The following MMD2 variants were observed in gnomAD, a reference collection of about 807,000 sequenced individuals.
MMD2 encodes the protein monocyte to macrophage differentiation associated 2.
In MMD2, 30 loss-of-function variants were observed where a neutral mutation model predicts 33.5. The ratio of observed to expected loss-of-function variants is 0.90; its 90% CI spans 0.67 to 1.22. MMD2 has a LOEUF of 1.22. MMD2 is among the 50% of genes most tolerant of loss of function. MMD2 has a pLI of 0.00. For missense variants in MMD2, 364 were observed against 325.4 expected (o/e 1.12, Z -0.91); for synonymous variants, 129 against 123.0 (o/e 1.05, Z -0.32).
intron 1 of MMD2, among the ~76,000 whole-genome samples, chr7:4,942,777 G>A (rs6978348): frequency 0.041 from 6,223 of 150,696 alleles, 206 homozygotes; most frequent in East Asian, 0.11. Context: ...CACCTCACCC[G>A]GCTTTTTTGT....
Position 4,918,483 on chromosome 7 carries a change from CT to C in MMD2, c.290+1687del, listed in dbSNP as rs60393757. Among the ~76,000 whole-genome samples the C allele has an allele frequency of 3.6e-3, 470 of 131,014 alleles. 1 individual carries two copies. Among genetic ancestry groups the C allele is most frequent in the Middle Eastern group, 7.7e-3 (2 of 260 alleles). The allele number at this position is 131,014 out of a possible 152,430, so 86.0% of individuals were successfully genotyped here. On this transcript the variant is annotated intron_variant, in intron 3 of 6. Transcript: ENST00000401401. The stretch of plus-strand genomic sequence containing the variant: ...TCTTTTCTTTTTCTTTTCTTTCTTT[CT>C]TTTTTTTTTTTTTTTTTGAGACAGA...
intron 1 of MMD2, among the ~76,000 whole-genome samples, chr7:4,933,745 G>C (rs573578811): frequency 6.6e-6 from 1 of 151,658 alleles, no homozygotes; most frequent in South Asian, 2.1e-4. Context: ...CATTCCTCCT[G>C]CCTCAGCCTC....
intron 1 of MMD2, among the ~76,000 whole-genome samples, chr7:4,926,115 T>C (rs934820938): frequency 2.7e-5 from 4 of 147,910 alleles, no homozygotes; most frequent in Non-Finnish European, 4.5e-5. Flanking sequence ...TTTTTTTTTC[T>C]TACACGGGGT....
At chr7:4,896,001 C>G in the MMD2 span, among the ~76,000 whole-genome samples, 2 of 152,106 alleles carry the variant, frequency 1.3e-5, no homozygotes, top group East Asian at 3.9e-4. Context: ...CTGACGAAGC[C>G]TAGTGCTTCC....
intron 4 of MMD2, among the ~76,000 whole-genome samples, chr7:4,912,040 T>C (rs955591412): frequency 3.3e-5 from 5 of 151,816 alleles, no homozygotes; most frequent in Non-Finnish European, 5.9e-5. Context: ...AGGTGGAAGC[T>C]GCAGTGAGCC....
chr7:4,920,999 G>C lies in MMD2; in HGVS notation c.130-668C>G, dbSNP rs552548609. 9.8e-5 allele frequency among the ~76,000 whole-genome samples: 15 copies of C among 152,286 alleles called. No homozygotes were observed. In the East Asian group the frequency reaches 2.3e-3, roughly 24 times the overall value. On this transcript the variant is annotated intron_variant, in intron 2 of 6. Transcript: ENST00000401401. ...TCCAAAGGATTGGGATTATAGGCGTGAGCCACCATGCCCAGCCTCAGGTGT... is the reference window on the plus strand; with the variant it reads ...TCCAAAGGATTGGGATTATAGGCGTCAGCCACCATGCCCAGCCTCAGGTGT...
At chr7:4,931,459 C>A (rs778350529) in intron 1 of MMD2, among the ~76,000 whole-genome samples, 1 of 150,482 alleles carries the variant, frequency 6.6e-6, no homozygotes, top group African/African-American at 2.4e-5. Context: ...GGCCTCTTTA[C>A]CTTTTTCTTT....
chr7:4,952,012 A>G (rs989290318), intron 1 of MMD2, among the ~76,000 whole-genome samples: 3 of 152,210 alleles, frequency 2.0e-5, no homozygotes, highest in Non-Finnish European at 4.4e-5. Flanking sequence ...CTGGGACTAC[A>G]GGCTTGAGCC....
intron 2 of MMD2, among the ~76,000 whole-genome samples, chr7:4,922,341 A>G (rs6944032): frequency 0.59 from 90,173 of 151,686 alleles, 26,901 homozygotes; most frequent in East Asian, 0.67. Flanking sequence ...AGGCTGAAGC[A>G]GGTAGATCCC....
At chr7:4,954,670 C>T (rs1037569417) in intron 1 of MMD2, among the ~76,000 whole-genome samples, 3 of 152,162 alleles carry the variant, frequency 2.0e-5, no homozygotes, top group Non-Finnish European at 2.9e-5. Context: ...CCTCCCACCT[C>T]GGCCTCCCAA....
In MMD2 at chr7:4,942,256, TTTTTTA is replaced by T. The variant is rs563877884; in HGVS notation, c.47+16709_47+16714del. Among the ~76,000 whole-genome samples the T allele has an allele frequency of 3.2e-3, 464 of 146,952 alleles. 6 individuals are homozygous for T. The highest frequency in any genetic ancestry group is 0.012 in the African/African-American group (452 of 39,252). On this transcript the variant is annotated intron_variant, in intron 1 of 6. Transcript: ENST00000401401. ...GCATGAGCCACCATGCCTGGTCTTA[TTTTTTA>T]TTTTTATTTTTTCTGTAGAGATGGG...
the MMD2 span, among the ~76,000 whole-genome samples, chr7:4,893,925 G>A: frequency 7.2e-5 from 11 of 152,168 alleles, no homozygotes; most frequent in African/African-American, 1.4e-4. Context: ...CACTTTCCTC[G>A]CCATCTTGGT....
chr7:4,939,774 G>A (rs1034919528), intron 1 of MMD2, among the ~76,000 whole-genome samples: 9 of 147,720 alleles, frequency 6.1e-5, no homozygotes, highest in Non-Finnish European at 1.3e-4. Flanking sequence ...GGAGTCCTGC[G>A]CTGTTGCCCA....
At chr7:4,951,315 G>A (rs1272832962) in intron 1 of MMD2, among the ~76,000 whole-genome samples, 2 of 151,920 alleles carry the variant, frequency 1.3e-5, no homozygotes, top group East Asian at 1.9e-4. Context: ...GCCCTTAATG[G>A]TGCCATAGAG....
chr7:4,926,429 T>G (rs912643264), intron 1 of MMD2, among the ~76,000 whole-genome samples: 3 of 152,032 alleles, frequency 2.0e-5, no homozygotes, highest in Non-Finnish European at 4.4e-5. Context: ...AAGTACAACT[T>G]ACAGACAATA....
chr7:4,951,251 C>T (rs1292941293), intron 1 of MMD2, among the ~76,000 whole-genome samples: 1 of 152,050 alleles, frequency 6.6e-6, no homozygotes, highest in Non-Finnish European at 1.5e-5. Flanking sequence ...TATTTTCTTC[C>T]CACTGGAGCC....
intron 1 of MMD2, among the ~76,000 whole-genome samples, chr7:4,947,831 C>G (rs1258939669): frequency 6.7e-6 from 1 of 149,336 alleles, no homozygotes. Flanking sequence ...TCCTGAGTAT[C>G]TGGGATTACA....
chr7:4,953,924 T>C (rs188043406), intron 1 of MMD2, among the ~76,000 whole-genome samples: 2 of 152,306 alleles, frequency 1.3e-5, no homozygotes, highest in Admixed American at 1.3e-4. Flanking sequence ...AGTGGCACGA[T>C]CATAGCTCAC....
At chr7:4,943,168 C>T (rs113289734) in intron 1 of MMD2, among the ~76,000 whole-genome samples, 3,694 of 151,906 alleles carry the variant, frequency 0.024, 151 homozygotes, top group African/African-American at 0.085. Context: ...TGCCACCACG[C>T]CCCGCTAATT....
Sources: allele counts gnomAD v4.1 joint callset (sites outside exome capture counted in the v4.1 genomes callset), GRCh38; gene constraint gnomAD v4.1.1; transcripts MANE v1.5; gene names NCBI Gene and HGNC (gene_info 2026-07-23, HGNC 2026-07-21).